TACR1: variants seen among roughly 807,000 people sequenced by gnomAD.
TACR1 encodes tachykinin receptor 1.
In TACR1, 25 loss-of-function variants were observed where a neutral mutation model predicts 35.8. That is an observed-to-expected ratio of 0.70 (90% CI 0.51 to 0.98). TACR1 has a LOEUF of 0.98. TACR1 is among the 50% of genes least tolerant of loss of function. The probability of loss-of-function intolerance (pLI) is 0.00; values close to 1 mark genes in which losing one functional copy is unlikely to be tolerated. For synonymous variants in TACR1, 195 were observed against 206.7 expected (o/e 0.94, Z 0.48); for missense variants, 478 against 522.9 (o/e 0.91, Z 0.84).
chr2:75,162,455 A>T (rs1041274437), intron 1 of TACR1, among the ~76,000 whole-genome samples: 8 of 152,364 alleles, frequency 5.3e-5, no homozygotes, highest in African/African-American at 1.9e-4. Flanking sequence ...CAGTGCCTTC[A>T]TATGAAAGTT....
intron 2 of TACR1, among the ~76,000 whole-genome samples, chr2:75,076,287 G>T (rs1022701451): frequency 6.6e-6 from 1 of 152,210 alleles, no homozygotes; most frequent in African/African-American, 2.4e-5. Context: ...TGTTTACTCA[G>T]CATGTCCCAG....
intron 2 of TACR1, among the ~76,000 whole-genome samples, chr2:75,066,702 C>T (rs1362536690): frequency 6.6e-6 from 1 of 152,294 alleles, no homozygotes; most frequent in South Asian, 2.1e-4. Context: ...CTTTTCTTAG[C>T]CAAAAGTTTC....
intron 1 of TACR1, among the ~76,000 whole-genome samples, chr2:75,124,442 G>A (rs774424393): frequency 1.3e-5 from 2 of 152,118 alleles, no homozygotes; most frequent in Non-Finnish European, 2.9e-5. Flanking sequence ...TCCAATTCCA[G>A]TTTCTGCCCT....
chr2:75,157,850 G>A (rs568605355), intron 1 of TACR1, among the ~76,000 whole-genome samples: 18 of 152,228 alleles, frequency 1.2e-4, no homozygotes, highest in Non-Finnish European at 2.2e-4. Context: ...TATTGAAAGA[G>A]AATTTACAGC....
intron 1 of TACR1, among the ~76,000 whole-genome samples, chr2:75,175,044 A>C (rs1460086379): frequency 6.6e-6 from 1 of 152,262 alleles, no homozygotes; most frequent in Non-Finnish European, 1.5e-5. Context: ...CCAAGTAACT[A>C]AAGGCCAATG....
At chr2:75,096,771 A>C (rs1673432810) in intron 2 of TACR1, among the ~76,000 whole-genome samples, 1 of 152,160 alleles carries the variant, frequency 6.6e-6, no homozygotes, top group Admixed American at 6.6e-5. Flanking sequence ...CTTCACTGAG[A>C]ATATTGAGAG....
intron 1 of TACR1, among the ~76,000 whole-genome samples, chr2:75,155,399 C>A (rs1674820581): frequency 6.6e-6 from 1 of 152,118 alleles, no homozygotes. Context: ...GTCTCCCCCT[C>A]CCTTTGCTTA....
chr2:75,151,241 A>G (rs1189160999), intron 1 of TACR1, among the ~76,000 whole-genome samples: 2 of 152,280 alleles, frequency 1.3e-5, no homozygotes, highest in Non-Finnish European at 2.9e-5. Flanking sequence ...TTAATCCCCA[A>G]GACCATGGGG....
At chr2:75,148,180 A>T (rs1207246183) in intron 1 of TACR1, among the ~76,000 whole-genome samples, 1 of 152,172 alleles carries the variant, frequency 6.6e-6, no homozygotes, top group Admixed American at 6.5e-5. Context: ...CAATAAACAT[A>T]CGTATGCATG....
chr2:75,093,935 C>T (rs1237859358), intron 2 of TACR1, among the ~76,000 whole-genome samples: 1 of 151,930 alleles, frequency 6.6e-6, no homozygotes, highest in Admixed American at 6.6e-5. Flanking sequence ...AGGAAACAGG[C>T]CCACAGAGAA....
intron 1 of TACR1, among the ~76,000 whole-genome samples, chr2:75,170,542 C>T (rs1675252173): frequency 6.6e-6 from 1 of 152,140 alleles, no homozygotes; most frequent in Non-Finnish European, 1.5e-5. Context: ...GGGTAACAGG[C>T]AGCGGTTGGA....
At chr2:75,100,704 A>G (rs1417428331) in intron 2 of TACR1, among the ~76,000 whole-genome samples, 5 of 152,242 alleles carry the variant, frequency 3.3e-5, no homozygotes, top group African/African-American at 9.6e-5. Context: ...CGTACTATAA[A>G]GTAAGGGTTC....
In TACR1 at chr2:75,172,788, G is replaced by A. The variant is rs532093818; in HGVS notation, c.389+25758C>T. ...ATAGTTTTGGAGGCTAGAAGTCCAA[G>A]GTCCAGAAATTGGCAGAGTTGGTTC... On this transcript the variant is annotated intron_variant, in intron 1 of 4. Coordinates refer to ENST00000305249, the MANE Select transcript of TACR1 (RefSeq NM_001058.4). 1.7e-4 allele frequency among the ~76,000 whole-genome samples: 26 copies of A among 152,242 alleles called. 1 individual carries two copies. The South Asian group carries it at 4.8e-3, about 28-fold the overall frequency.
At chr2:75,148,064 G>T (rs1422503302) in intron 1 of TACR1, among the ~76,000 whole-genome samples, 1 of 152,050 alleles carries the variant, frequency 6.6e-6, no homozygotes, top group Admixed American at 6.5e-5. Context: ...TCCTTTTAAT[G>T]GCTGCATAGT....
At chr2:75,164,448 G>A (rs2058859) in intron 1 of TACR1, among the ~76,000 whole-genome samples, 88,224 of 151,886 alleles carry the variant, frequency 0.58, 25,775 homozygotes, top group African/African-American at 0.61. Context: ...ATCTAAAAAG[G>A]TATAACAATA....
chr2:75,094,859 A>ATATATATATATTTTTTTTTTTTTT, intron 2 of TACR1, among the ~76,000 whole-genome samples: 1 of 113,134 alleles, frequency 8.8e-6, no homozygotes, highest in Admixed American at 8.5e-5. Context: ...ATATATATAT[A>ATATATATATATTTTTTTTTTTTTT]TTTTTTTTTT....
chr2:75,165,498 A>C (rs997774373), intron 1 of TACR1, among the ~76,000 whole-genome samples: 1 of 151,722 alleles, frequency 6.6e-6, no homozygotes, highest in African/African-American at 2.4e-5. Context: ...TTAGTAGAGA[A>C]GGGGTTTCAC....
At chr2:75,144,352 G>C (rs1674464781) in intron 1 of TACR1, among the ~76,000 whole-genome samples, 2 of 152,150 alleles carry the variant, frequency 1.3e-5, no homozygotes, top group African/African-American at 4.8e-5. Context: ...CTTTCACTGT[G>C]GCCTCTTCCT....
intron 2 of TACR1, among the ~76,000 whole-genome samples, chr2:75,111,728 T>C (rs1312890959): frequency 6.6e-6 from 1 of 151,970 alleles, no homozygotes; most frequent in African/African-American, 2.4e-5. Flanking sequence ...TATTGTATTG[T>C]GCATTAAGAA....
Sources: gnomAD v4.1 joint callset for allele counts (sites outside exome capture counted in the v4.1 genomes callset) on GRCh38, gnomAD v4.1.1 for gene constraint, MANE v1.5 for transcripts, NCBI Gene and HGNC (gene_info 2026-07-23, HGNC 2026-07-21) for gene names.